The following SIDT1 variants were observed in gnomAD, a reference collection of about 807,000 sequenced individuals.
SIDT1 encodes SID1 transmembrane family member 1.
SIDT1 carries 101 observed loss-of-function variants against 107.5 expected under a neutral mutation model. That is an observed-to-expected ratio of 0.94 (90% CI 0.80 to 1.11). The LOEUF (loss-of-function observed/expected upper bound fraction) is 1.11, where lower values mean the gene tolerates loss of function less well. Among genes scored for constraint, SIDT1 ranks in the 50% least tolerant of loss-of-function variants. SIDT1 has a pLI of 0.00. For missense variants in SIDT1, 1,076 were observed against 1,058.2 expected (o/e 1.02, Z -0.23); for synonymous variants, 395 against 398.2 (o/e 0.99, Z 0.10).
intron 1 of SIDT1, among the ~76,000 whole-genome samples, chr3:113,556,821 C>CTTTTTTTTTTTTT (rs61672960): frequency 0.016 from 1,747 of 106,722 alleles, 26 homozygotes; most frequent in Middle Eastern, 0.044. Context: ...GTTTCTTTTT[C>CTTTTTTTTTTTTT]TTTTTTTTTT....
intron 1 of SIDT1, among the ~76,000 whole-genome samples, chr3:113,534,669 G>T (rs142447615): frequency 9.8e-4 from 149 of 152,310 alleles, no homozygotes; most frequent in African/African-American, 3.4e-3. Flanking sequence ...TTGGCTGGGA[G>T]CAGAAAAAAG....
At chr3:113,535,607 C>T (rs528668403) in intron 1 of SIDT1, among the ~76,000 whole-genome samples, 1 of 152,132 alleles carries the variant, frequency 6.6e-6, no homozygotes, top group East Asian at 1.9e-4. Flanking sequence ...GGTTGATGAC[C>T]CAAGCAGTCC....
chr3:113,604,848 T>C, intron 13 of SIDT1, 62 bp from the exon 14 acceptor site: 6 of 1,583,624 alleles, frequency 3.8e-6, no homozygotes, highest in East Asian at 4.5e-5. Context: ...TTTAAAAATA[T>C]TAACCAAAGA....
chr3:113,601,461 C>A (rs1944953845), intron 10 of SIDT1, 127 bp from the exon 11 acceptor site: 2 of 650,358 alleles, frequency 3.1e-6, no homozygotes, highest in Non-Finnish European at 5.4e-6. Context: ...TTGGTGACTC[C>A]TGTATTAGTG....
intron 1 of SIDT1, among the ~76,000 whole-genome samples, chr3:113,558,031 A>AAG (rs1209421493): frequency 2.0e-5 from 3 of 152,030 alleles, no homozygotes; most frequent in African/African-American, 7.2e-5. Flanking sequence ...GAGAGACAGA[A>AAG]AGAGAGAGAG....
chr3:113,619,709 T>A lies in SIDT1; in HGVS notation c.2073T>A (p.Asn691Lys). Residue 691 changes from asparagine (N) to lysine (K), a missense_variant, in exon 21 of 25, where the codon AAT becomes AAA. Coordinates refer to ENST00000264852, the MANE Select transcript of SIDT1 (RefSeq NM_017699.3). ...GAATGGTGTTGCTGGTTGTGGGGAA[T>A]CTGGTTAACTGGTCCTTGTAAGTAG... ...MDRMVLLVVG[N>K]LVNWSFALFG... The A allele has an allele frequency of 6.2e-7, 1 of 1,614,140 alleles. No individual in the cohort carries two copies. Among genetic ancestry groups the A allele is most frequent in the South Asian group, 1.1e-5 (1 of 91,088 alleles).
At chr3:113,558,649 C>A (rs1398672253) in intron 1 of SIDT1, among the ~76,000 whole-genome samples, 1 of 152,188 alleles carries the variant, frequency 6.6e-6, no homozygotes, top group African/African-American at 2.4e-5. Flanking sequence ...CATCTGGACC[C>A]ATCCATGTCA....
At chr3:113,566,321 T>A (rs941306827) in intron 1 of SIDT1, 99 bp from the exon 2 acceptor site, 6 of 1,100,534 alleles carry the variant, frequency 5.5e-6, no homozygotes, top group Non-Finnish European at 7.9e-6. Flanking sequence ...AACTATGGTG[T>A]GTGTGTTTGT....
chr3:113,549,631 G>A (rs553975772), intron 1 of SIDT1, among the ~76,000 whole-genome samples: 2 of 152,058 alleles, frequency 1.3e-5, no homozygotes, highest in Non-Finnish European at 2.9e-5. Flanking sequence ...GTTCTTTGTA[G>A]ATTTTGGATA....
chr3:113,585,947 C>T (rs571546573), intron 9 of SIDT1, among the ~76,000 whole-genome samples: 42 of 152,198 alleles, frequency 2.8e-4, no homozygotes, highest in African/African-American at 9.4e-4. Flanking sequence ...CTCTGTGAAA[C>T]AACTACAAAA....
At position 113,628,957 on chromosome 3, in the gene SIDT1, GC is replaced by G. The variant is rs1427268464; in HGVS notation, c.*1250del. 9.2e-5 allele frequency: 14 copies of G among 152,190 alleles called. No individual in the cohort carries two copies. Among genetic ancestry groups the G allele is most frequent in the Non-Finnish European group, 1.9e-4 (13 of 68,048 alleles). The allele number at this position is 152,190 out of a possible 1,614,324, so 9.4% of individuals were successfully genotyped here. On this transcript the variant is annotated 3_prime_UTR_variant, in exon 25 of 25. Transcript: ENST00000264852. ...CTGGGTTCCACTCTCACACTGTCTG[GC>G]AGCTCTGTGTCTGAGAAGTTCTACA...
intron 1 of SIDT1, among the ~76,000 whole-genome samples, chr3:113,561,615 T>C (rs187914088): frequency 1.3e-5 from 2 of 152,342 alleles, no homozygotes; most frequent in East Asian, 3.9e-4. Flanking sequence ...AATGGAGTTA[T>C]CCATTAGATG....
chr3:113,614,787 C>G lies in SIDT1; in HGVS notation c.1967-1313C>G, dbSNP rs150297499. Among the ~76,000 whole-genome samples, 67 of 152,232 alleles carry G rather than the reference C, an allele frequency of 4.4e-4. No homozygotes were observed. In the East Asian group the frequency reaches 0.013, roughly 29 times the overall value. ...CCTCAGGGATTTCTCATGAGAGAGGCTGGATTATAAATTGCAAGCAGTGCA... is the reference window on the plus strand; with the variant it reads ...CCTCAGGGATTTCTCATGAGAGAGGGTGGATTATAAATTGCAAGCAGTGCA... On this transcript the variant is annotated intron_variant, in intron 19 of 24. Transcript: ENST00000264852.
At chr3:113,576,706 C>T (rs1942929720) in intron 3 of SIDT1, among the ~76,000 whole-genome samples, 1 of 152,112 alleles carries the variant, frequency 6.6e-6, no homozygotes, top group African/African-American at 2.4e-5. Context: ...ATAATAATCC[C>T]CTTTCCCAGT....
At chr3:113,535,816 G>A (rs1326073625) in intron 1 of SIDT1, among the ~76,000 whole-genome samples, 1 of 152,074 alleles carries the variant, frequency 6.6e-6, no homozygotes, top group Non-Finnish European at 1.5e-5. Flanking sequence ...ACTTATTGTG[G>A]GAAATTAACC....
chr3:113,608,297 T>C (rs1212564411), intron 16 of SIDT1, 80 bp downstream of exon 16: 5 of 1,549,382 alleles, frequency 3.2e-6, no homozygotes, highest in Non-Finnish European at 4.4e-6. Context: ...TCTGGCTTAA[T>C]GGTGTGATGA....
At position 113,576,942 on chromosome 3, in the gene SIDT1, T is replaced by C. The variant is rs1942952447; in HGVS notation, c.536T>C (p.Phe179Ser). 1.2e-6 allele frequency: 2 copies of C among 1,614,090 alleles called. No homozygotes were observed. Among genetic ancestry groups the C allele is most frequent in the South Asian group, 2.2e-5 (2 of 91,092 alleles). ...FQLRTNVAFH[F>S]TASPSQPQYF... ...CTCAGGACAAATGTTGCCTTTCACT[T>C]TACTGCCAGCCCCTCTCAACCTCAG... The change falls in exon 4 of 25, where the codon TTT (phenylalanine) becomes TCT (serine). Residue 179 changes from phenylalanine (F) to serine (S), a missense_variant. Physicochemically the swap from Phe to Ser is radical, Grantham distance 155. Transcript: ENST00000264852.
rs1946837064 is a variant in SIDT1 at position 113,626,182 on chromosome 3, C to A, written c.2388C>A (p.Phe796Leu). The change falls in exon 24 of 25, where the codon TTC becomes TTA. Residue 796 changes from phenylalanine (F) to leucine (L), a missense_variant. Phe to Leu is a conservative substitution (Grantham distance 22, BLOSUM62 0). Coordinates refer to ENST00000264852, the MANE Select transcript of SIDT1 (RefSeq NM_017699.3). The stretch of plus-strand genomic sequence containing the variant: ...TCGATGACCATGACATCTGGCACTT[C>A]CTCTCTGCTACTGCTCTGTTTTTCT... ...DFFDDHDIWHFLSATALFFSF... is the reference protein window; with the variant it reads ...DFFDDHDIWHLLSATALFFSF... The A allele has an allele frequency of 8.7e-6, 14 of 1,613,812 alleles. No individual in the cohort carries two copies. In the East Asian group the frequency reaches 3.1e-4, roughly 36 times the overall value.
intron 20 of SIDT1, 95 bp from the exon 21 acceptor site, chr3:113,619,584 CA>C: frequency 1.9e-6 from 2 of 1,025,948 alleles, no homozygotes; most frequent in Non-Finnish European, 3.0e-6. Context: ...TTCACCAATG[CA>C]ATTGTTTTCC....
Sources: allele counts gnomAD v4.1 joint callset (sites outside exome capture counted in the v4.1 genomes callset), GRCh38; gene constraint gnomAD v4.1.1; transcripts MANE v1.5; gene names NCBI Gene and HGNC (gene_info 2026-07-23, HGNC 2026-07-21).